MAX: variants seen among roughly 807,000 people sequenced by gnomAD.
MAX encodes the protein protein max.
In MAX, 3 loss-of-function variants were observed where a neutral mutation model predicts 22.3. The observed-to-expected ratio is 0.13, with a 90% CI of 0.06 to 0.35. The LOEUF (loss-of-function observed/expected upper bound fraction) is 0.35. Among genes scored for constraint, MAX ranks in the 10% least tolerant of loss-of-function variants. The probability of loss-of-function intolerance (pLI) is 1.00; values close to 1 mark genes in which losing one functional copy is unlikely to be tolerated. For missense variants in MAX, 119 were observed against 209.4 expected (o/e 0.57, Z 2.66); for synonymous variants, 72 against 77.7 (o/e 0.93, Z 0.39).
At position 65,078,860 on chromosome 14, in the gene MAX, G is replaced by A. The variant is rs2063132850; in HGVS notation, c.172-824C>T. ...TTCTTTGTGACATACAAGGTGCCAA[G>A]TGCTTTACAGAGCTTAACTCACAAG... is the stretch of plus-strand genomic sequence containing the variant. On this transcript the variant is annotated intron_variant, in intron 3 of 4. Transcript: ENST00000358664. The surrounding 1 kb of genome is among the most constrained non-coding windows in gnomAD (Gnocchi z 6.4). Among the ~76,000 whole-genome samples, 1 of 152,206 alleles carries A rather than the reference G, an allele frequency of 6.6e-6. No homozygotes were observed. The highest frequency in any genetic ancestry group is 6.5e-5 in the Admixed American group (1 of 15,280).
Position 65,023,259 on chromosome 14 carries a change from A to G in MAX, c.172-16975T>C, listed in dbSNP as rs1316644156. On this transcript the variant is annotated intron_variant, in intron 3 of 3. Transcript: ENST00000341653. This position sits in a 1 kb window ranked among gnomAD's most constrained non-coding sequence, Gnocchi z 4.1. ...ATTCTTGTAGAGATGGGGTTTTGCC[A>G]TGTTGCCCAGGCTGGCCTTGAACTC... Among the ~76,000 whole-genome samples, 4 of 152,138 alleles carry G rather than the reference A, an allele frequency of 2.6e-5. No individual in the cohort carries two copies. The highest frequency in any genetic ancestry group is 4.4e-5 in the Non-Finnish European group (3 of 68,032).
chr14:65,061,673 C>G (rs774507281), intron 3 of MAX: 6 of 203,278 alleles, frequency 3.0e-5, no homozygotes, highest in African/African-American at 4.5e-5. Flanking sequence ...CTGACTCCCA[C>G]TTGCACGCCA....
chr14:65,037,639 G>A (rs1174284143), intron 3 of MAX, among the ~76,000 whole-genome samples: 2 of 149,048 alleles, frequency 1.3e-5, no homozygotes, highest in Non-Finnish European at 3.0e-5. Flanking sequence ...TGCCCAGGTT[G>A]GTCTCAAACT....
rs1252095230 is a variant in MAX, at chr14:65,007,736, A to T, written c.172-1452T>A. On this transcript the variant is annotated intron_variant, in intron 3 of 3. Coordinates refer to the MAX transcript ENST00000341653. This position sits in a 1 kb window ranked among gnomAD's most constrained non-coding sequence, Gnocchi z 4.9. ...CCTGTGGGTATTGTCACGGTTTCAC[A>T]CCCTTTTGAATGTACCCTTTTGCAT... Among the ~76,000 whole-genome samples, 1 of 152,124 alleles carries T rather than the reference A, an allele frequency of 6.6e-6. No individual in the cohort carries two copies. Among genetic ancestry groups the T allele is most frequent in the African/African-American group, 2.4e-5 (1 of 41,428 alleles).
intron 3 of MAX, among the ~76,000 whole-genome samples, chr14:65,034,735 G>A (rs982215174): frequency 3.3e-5 from 5 of 152,160 alleles, no homozygotes; most frequent in Non-Finnish European, 7.3e-5. Context: ...GGTAAGTATG[G>A]AATTATAATG....
chr14:65,055,572 A>C (rs2062716693), intron 3 of MAX, among the ~76,000 whole-genome samples: 2 of 151,824 alleles, frequency 1.3e-5, no homozygotes, highest in Admixed American at 1.3e-4. Flanking sequence ...GCTGGAGTAC[A>C]GTGGCATGAT....
chr14:65,076,778 G>T lies in MAX; in HGVS notation c.296-115C>A. 3 of 1,175,748 alleles carry T rather than the reference G, an allele frequency of 2.6e-6. No individual in the cohort carries two copies. Among genetic ancestry groups the T allele is most frequent in the African/African-American group, 1.5e-5 (1 of 66,414 alleles). The allele number at this position is 1,175,748 out of a possible 1,614,324, so 72.8% of individuals were successfully genotyped here. A position where few individuals can be genotyped will look rare whatever the true frequency, so the allele number is the denominator to read the frequency against. ...AAGGGCTTGCTTGTTGGCCCCCGAG[G>T]CTCAAGATGCTCAGAAGTAGCTCCC... is the stretch of plus-strand genomic sequence containing the variant. On this transcript the variant is annotated intron_variant, in intron 4 of 4. Transcript: ENST00000358664. This position sits in a 1 kb window ranked among gnomAD's most constrained non-coding sequence, Gnocchi z 6.6.
rs1263459903 is a variant in MAX, at chr14:65,044,175, G to A, written c.172-37891C>T. ...GTGGGGAGGGAAGGAAAGAAAACCA[G>A]AGCACCAAAACTAGAGTGCCAAGAA... On this transcript the variant is annotated intron_variant, in intron 3 of 3. Transcript: ENST00000341653. The surrounding 1 kb of genome is among the most constrained non-coding windows in gnomAD (Gnocchi z 5.5). 3 of 1,478,656 alleles carry A rather than the reference G, an allele frequency of 2.0e-6. No individual in the cohort carries two copies. The highest frequency in any genetic ancestry group is 1.4e-5 in the African/African-American group (1 of 70,482). The allele number at this position is 1,478,656 out of a possible 1,614,324, so 91.6% of individuals were successfully genotyped here. A position where few individuals can be genotyped will look rare whatever the true frequency, so the allele number is the denominator to read the frequency against.
chr14:65,102,213 C>T, intron 1 of MAX, 91 bp downstream of exon 1: 1 of 1,580,660 alleles, frequency 6.3e-7, no homozygotes, highest in South Asian at 1.1e-5. Context: ...CGGCGGCAGC[C>T]CGGCCCCCTC....
chr14:65,011,744 C>T lies in MAX; in HGVS notation c.172-5460G>A, dbSNP rs1305970813. On this transcript the variant is annotated intron_variant, in intron 3 of 3. Transcript: ENST00000341653. The surrounding 1 kb of genome is among the most constrained non-coding windows in gnomAD (Gnocchi z 4.0). ...TTGCTGACTTGAAAGCCAAGGACAG[C>T]GACTGGCTGCAGAACACGGTCCTCT... Among the ~76,000 whole-genome samples the T allele has an allele frequency of 4.6e-5, 7 of 152,174 alleles. No individual in the cohort carries two copies. Among genetic ancestry groups the T allele is most frequent in the African/African-American group, 7.2e-5 (3 of 41,444 alleles).
downstream of MAX, among the ~76,000 whole-genome samples, chr14:65,073,594 G>C (rs1218121980): frequency 6.6e-6 from 1 of 152,176 alleles, no homozygotes; most frequent in Non-Finnish European, 1.5e-5. Flanking sequence ...GTGTAAGTGA[G>C]TGTCCAGAGT....
chr14:65,024,575 T>C (rs1033050119), intron 3 of MAX, among the ~76,000 whole-genome samples: 2 of 152,196 alleles, frequency 1.3e-5, no homozygotes, highest in East Asian at 1.9e-4. Context: ...AATTGGCACG[T>C]AAGCTAGAAT....
At chr14:65,006,979 G>A (rs2061604908) in intron 3 of MAX, among the ~76,000 whole-genome samples, 1 of 152,168 alleles carries the variant, frequency 6.6e-6, no homozygotes, top group South Asian at 2.1e-4. Flanking sequence ...TCGGATCCTT[G>A]TGGAAATAGA....
At chr14:65,034,546 G>C (rs1434331041) in intron 3 of MAX, among the ~76,000 whole-genome samples, 1 of 152,200 alleles carries the variant, frequency 6.6e-6, no homozygotes, top group Non-Finnish European at 1.5e-5. Flanking sequence ...TTGTTAATAA[G>C]GCTGATAATA....
chr14:65,097,685 TAC>T (rs757215567), intron 2 of MAX, among the ~76,000 whole-genome samples: 8 of 152,224 alleles, frequency 5.3e-5, no homozygotes, highest in Non-Finnish European at 1.2e-4. Flanking sequence ...GACACGAGAA[TAC>T]ACAGACCCAA....
chr14:65,057,530 T>G (rs528959207), intron 3 of MAX, among the ~76,000 whole-genome samples: 1 of 152,312 alleles, frequency 6.6e-6, no homozygotes, highest in Non-Finnish European at 1.5e-5. Context: ...AGGTGAGGAT[T>G]AACTTAAGGA....
chr14:65,047,378 C>A lies in MAX; in HGVS notation c.172-41094G>T, dbSNP rs555234809. Reference sequence around the variant, plus strand: ...ATCCAGACTAGCTGGCATCTGAACCCTGCCCTGCTCATAACCACAGTAGGT... The same window carrying A: ...ATCCAGACTAGCTGGCATCTGAACCATGCCCTGCTCATAACCACAGTAGGT... On this transcript the variant is annotated intron_variant, in intron 3 of 3. Transcript: ENST00000341653. The surrounding 1 kb of genome is among the most constrained non-coding windows in gnomAD (Gnocchi z 5.2). 2.0e-5 allele frequency among the ~76,000 whole-genome samples: 3 copies of A among 152,216 alleles called. No homozygotes were observed. Among genetic ancestry groups the A allele is most frequent in the African/African-American group, 7.2e-5 (3 of 41,454 alleles).
chr14:65,092,450 T>G (rs2063535977), intron 3 of MAX, among the ~76,000 whole-genome samples: 1 of 152,246 alleles, frequency 6.6e-6, no homozygotes, highest in African/African-American at 2.4e-5. Flanking sequence ...ATCTTTGGCA[T>G]GTGTTTACTT....
Position 65,028,157 on chromosome 14 carries a change from C to T in MAX, c.172-21873G>A, listed in dbSNP as rs1016585378. 1.3e-5 allele frequency among the ~76,000 whole-genome samples: 2 copies of T among 152,164 alleles called. No homozygotes were observed. Among genetic ancestry groups the T allele is most frequent in the African/African-American group, 2.4e-5 (1 of 41,426 alleles). ...CCAGCAGGGCCTCAGTAAATACCTT[C>T]TGAGTGAATTTGATGAAATCATGAG... On this transcript the variant is annotated intron_variant, in intron 3 of 3. Transcript: ENST00000341653. This position sits in a 1 kb window ranked among gnomAD's most constrained non-coding sequence, Gnocchi z 4.4.
Sources: gnomAD v4.1 joint callset for allele counts (sites outside exome capture counted in the v4.1 genomes callset) on GRCh38, gnomAD v4.1.1 for gene constraint, Gnocchi (gnomAD v3.1) non-coding constraint, MANE v1.5 for transcripts, NCBI Gene and HGNC (gene_info 2026-07-23, HGNC 2026-07-21) for gene names.